CNST: variants seen among roughly 807,000 people sequenced by gnomAD.
CNST encodes consortin.
A neutral mutation model predicts 72.4 loss-of-function variants in CNST; 39 were observed. The observed-to-expected ratio is 0.54, with a 90% CI of 0.42 to 0.70. The LOEUF (loss-of-function observed/expected upper bound fraction) is 0.70, where lower values mean the gene tolerates loss of function less well. Among genes scored for constraint, CNST ranks in the 30% least tolerant of loss-of-function variants. The pLI, the probability that CNST is intolerant of heterozygous loss-of-function variation, is 0.00. For missense variants in CNST, 871 were observed against 868.5 expected, an observed-to-expected ratio of 1.00 and a Z score of -0.04; for synonymous variants, 332 against 320.1, an observed-to-expected ratio of 1.04 and a Z score of -0.40.
intron 9 of CNST, among the ~76,000 whole-genome samples, chr1:246,649,081 T>C (rs1432076340): frequency 6.6e-6 from 1 of 152,134 alleles, no homozygotes; most frequent in Non-Finnish European, 1.5e-5. Flanking sequence ...AGTAAAGCAC[T>C]TGGCTTACTA....
chr1:246,584,316 A>G (rs977498723), intron 1 of CNST, among the ~76,000 whole-genome samples: 3 of 152,226 alleles, frequency 2.0e-5, no homozygotes, highest in Admixed American at 6.5e-5. Flanking sequence ...ATTCACTTAT[A>G]TAAGTCAACA....
chr1:246,567,848 C>G (rs1262351863), intron 1 of CNST, among the ~76,000 whole-genome samples: 1 of 152,116 alleles, frequency 6.6e-6, no homozygotes, highest in Non-Finnish European at 1.5e-5. Flanking sequence ...GAGCTGCCTC[C>G]CCCTCTCCCC....
chr1:246,630,198 C>A (rs1201077335), intron 3 of CNST, among the ~76,000 whole-genome samples: 1 of 152,184 alleles, frequency 6.6e-6, no homozygotes, highest in African/African-American at 2.4e-5. Context: ...GCAAACACTG[C>A]AAGTTGGGGC....
intron 2 of CNST, among the ~76,000 whole-genome samples, chr1:246,609,291 A>G (rs1349209907): frequency 6.6e-6 from 1 of 152,200 alleles, no homozygotes; most frequent in East Asian, 1.9e-4. Flanking sequence ...AAAGGTGAGC[A>G]CTGGCCAGGC....
chr1:246,611,986 G>T (rs1663347876), intron 2 of CNST, among the ~76,000 whole-genome samples: 1 of 152,164 alleles, frequency 6.6e-6, no homozygotes, highest in South Asian at 2.1e-4. Context: ...CTAAGTAAAA[G>T]AAACCAGACA....
chr1:246,641,355 T>A (rs1382489722), intron 6 of CNST, among the ~76,000 whole-genome samples: 1 of 152,252 alleles, frequency 6.6e-6, no homozygotes, highest in Non-Finnish European at 1.5e-5. Flanking sequence ...TTGTTATCTG[T>A]TTCCATGGAG....
chr1:246,660,829 A>G (rs1436193493), intron 10 of CNST, among the ~76,000 whole-genome samples: 1 of 152,210 alleles, frequency 6.6e-6, no homozygotes, highest in East Asian at 1.9e-4. Context: ...TCATTTCTAA[A>G]TCTTTACTTG....
chr1:246,635,540 G>A lies in CNST; in HGVS notation c.818+953G>A, dbSNP rs111570928. Among the ~76,000 whole-genome samples, 44 of 148,910 alleles carry A rather than the reference G, an allele frequency of 3.0e-4. 1 individual carries two copies. Among genetic ancestry groups the A allele is most frequent in the East Asian group, 5.9e-4 (3 of 5,098 alleles). On this transcript the variant is annotated intron_variant, in intron 6 of 10. Coordinates refer to ENST00000366513, the MANE Select transcript of CNST (RefSeq NM_152609.3). ...TTTCTAGAACCGCTTTTCCATTATCGTCTATGTTAAGACAGCAATTGGAGA... is the reference window on the plus strand; with the variant it reads ...TTTCTAGAACCGCTTTTCCATTATCATCTATGTTAAGACAGCAATTGGAGA...
chr1:246,665,960 T>G lies in CNST; in HGVS notation c.*55T>G. 7.7e-7 allele frequency: 1 copy of G among 1,291,818 alleles called. No individual in the cohort carries two copies. The highest frequency in any genetic ancestry group is 1.1e-6 in the Non-Finnish European group (1 of 907,026). 80.0% of individuals were successfully genotyped at this position (1,291,818 alleles called of 1,614,324 possible). On this transcript the variant is annotated 3_prime_UTR_variant, in exon 11 of 11. Coordinates refer to ENST00000366513, the MANE Select transcript of CNST (RefSeq NM_152609.3). The stretch of plus-strand genomic sequence containing the variant: ...TGAGAGTGAAAGGCGGGAGACTTTC[T>G]AAACAGTTTTTCTTTCAGGAATTCT...
At chr1:246,654,424 A>G (rs559310748) in intron 9 of CNST, among the ~76,000 whole-genome samples, 33 of 152,360 alleles carry the variant, frequency 2.2e-4, no homozygotes, top group Middle Eastern at 3.4e-3. Context: ...AGCTGATGCT[A>G]TGATTCCCTG....
At position 246,659,936 on chromosome 1, in the gene CNST, G is replaced by A. The variant is rs182901884; in HGVS notation, c.1837-263G>A. ...AAGCAAGGTGTTCTGATTTCCAGTCGACTGAACACGTCATGCTGCCTGTCC... is the reference window on the plus strand; with the variant it reads ...AAGCAAGGTGTTCTGATTTCCAGTCAACTGAACACGTCATGCTGCCTGTCC... On this transcript the variant is annotated intron_variant, in intron 9 of 10. Coordinates refer to ENST00000366513, the MANE Select transcript of CNST (RefSeq NM_152609.3). 1.6e-4 allele frequency among the ~76,000 whole-genome samples: 25 copies of A among 152,248 alleles called. No individual in the cohort carries two copies. In the East Asian group the frequency reaches 2.9e-3, roughly 18 times the overall value.
chr1:246,605,671 TGTCTTCCGGCCGGGGTAG>T (rs1662694384), intron 2 of CNST, among the ~76,000 whole-genome samples: 1 of 146,100 alleles, frequency 6.8e-6, no homozygotes, highest in Non-Finnish European at 1.5e-5. Flanking sequence ...CCGGGGTGCG[TGTCTTCCGGCCGGGGTAG>T]GTGTCTTCCG....
chr1:246,613,059 T>C (rs1663440246), intron 2 of CNST, among the ~76,000 whole-genome samples: 1 of 152,192 alleles, frequency 6.6e-6, no homozygotes, highest in South Asian at 2.1e-4. Context: ...CACAATCTTA[T>C]CAAGCATAAT....
intron 2 of CNST, among the ~76,000 whole-genome samples, chr1:246,599,097 AAG>A (rs972354735): frequency 2.6e-5 from 4 of 152,136 alleles, no homozygotes; most frequent in Admixed American, 2.6e-4. Context: ...GAATAGAATA[AAG>A]AGTTCCTGAT....
chr1:246,592,451 G>A (rs773002192), intron 2 of CNST, among the ~76,000 whole-genome samples: 6 of 152,148 alleles, frequency 3.9e-5, no homozygotes, highest in Non-Finnish European at 7.3e-5. Context: ...TCACGCCACT[G>A]TACTCTAGCC....
At chr1:246,650,904 C>G (rs957167701) in intron 9 of CNST, among the ~76,000 whole-genome samples, 2 of 152,092 alleles carry the variant, frequency 1.3e-5, no homozygotes, top group African/African-American at 4.8e-5. Flanking sequence ...TCTTCAACTC[C>G]TGGCCTCAAG....
intron 1 of CNST, among the ~76,000 whole-genome samples, chr1:246,576,132 G>A (rs968722652): frequency 1.4e-5 from 2 of 145,870 alleles, no homozygotes; most frequent in African/African-American, 5.2e-5. Context: ...ATACTCTGGA[G>A]GCTGAGGCAG....
intron 10 of CNST, among the ~76,000 whole-genome samples, chr1:246,662,572 A>G (rs1305229059): frequency 2.6e-5 from 4 of 152,122 alleles, no homozygotes; most frequent in Non-Finnish European, 5.9e-5. Context: ...TACTTTTAGT[A>G]GAGACAGGGG....
intron 9 of CNST, among the ~76,000 whole-genome samples, chr1:246,653,985 A>C (rs1291782785): frequency 6.6e-6 from 1 of 152,196 alleles, no homozygotes; most frequent in Non-Finnish European, 1.5e-5. Context: ...TTTAAACTCC[A>C]CAGATTAAAC....
Sources: gnomAD v4.1 joint callset for allele counts (sites outside exome capture counted in the v4.1 genomes callset) on GRCh38, gnomAD v4.1.1 for gene constraint, MANE v1.5 for transcripts, NCBI Gene and HGNC (gene_info 2026-07-23, HGNC 2026-07-21) for gene names.